Variants in MORN4 observed in about 807,000 individuals in gnomAD.
MORN4 encodes MORN repeat containing 4.
In MORN4, 8 loss-of-function variants were observed where a neutral mutation model predicts 16.4. The observed-to-expected ratio is 0.49, with a 90% CI of 0.29 to 0.88. The LOEUF (loss-of-function observed/expected upper bound fraction) is 0.88, where lower values mean the gene tolerates loss of function less well. Ranked by LOEUF, MORN4 falls within the 40% of genes least tolerant of loss-of-function variation. The pLI, the probability that MORN4 is intolerant of heterozygous loss-of-function variation, is 0.09. For synonymous variants in MORN4, 53 were observed against 68.9 expected (o/e 0.77, Z 1.14); for missense variants, 159 against 182.9 (o/e 0.87, Z 0.75).
chr10:97,627,063 T>G (rs1305484819), intron 1 of MORN4, among the ~76,000 whole-genome samples: 1 of 151,088 alleles, frequency 6.6e-6, no homozygotes, highest in East Asian at 2.0e-4. Flanking sequence ...GGCCTGATTT[T>G]TGTTTGTTTG....
At chr10:97,620,717 C>T (rs2041282975) in intron 1 of MORN4, among the ~76,000 whole-genome samples, 1 of 152,046 alleles carries the variant, frequency 6.6e-6, no homozygotes, top group Non-Finnish European at 1.5e-5. Context: ...GTGACTCACA[C>T]CTGTAATCCC....
At chr10:97,622,247 G>A (rs968140522) in intron 1 of MORN4, among the ~76,000 whole-genome samples, 17 of 152,138 alleles carry the variant, frequency 1.1e-4, no homozygotes, top group East Asian at 3.8e-4. Flanking sequence ...TAACTGATAC[G>A]TTCAGGCATG....
At chr10:97,625,357 C>A (rs549349493) in intron 1 of MORN4, among the ~76,000 whole-genome samples, 1 of 152,256 alleles carries the variant, frequency 6.6e-6, no homozygotes, top group African/African-American at 2.4e-5. Context: ...TCAGTCTCCT[C>A]ATCTGTAAAG....
chr10:97,632,718 T>A (rs558049143), intron 1 of MORN4, among the ~76,000 whole-genome samples: 22 of 150,844 alleles, frequency 1.5e-4, no homozygotes, highest in African/African-American at 2.4e-4. Context: ...TTTTTTTTTT[T>A]ATTTAAAGGC....
At chr10:97,619,782 G>C in intron 1 of MORN4, 99 bp from the exon 2 acceptor site, 1 of 899,356 alleles carries the variant, frequency 1.1e-6, no homozygotes, top group Non-Finnish European at 1.8e-6. Context: ...CACCAGCCTG[G>C]TAAGTGTACA....
intron 1 of MORN4, among the ~76,000 whole-genome samples, chr10:97,629,259 T>G (rs1296041527): frequency 6.6e-6 from 1 of 152,168 alleles, no homozygotes; most frequent in Non-Finnish European, 1.5e-5. Context: ...TGGTGGCCCA[T>G]GCCTGTAATC....
intron 1 of MORN4, among the ~76,000 whole-genome samples, chr10:97,624,366 C>G (rs1426075850): frequency 6.6e-6 from 1 of 152,128 alleles, no homozygotes; most frequent in Non-Finnish European, 1.5e-5. Context: ...ACCTTTATAA[C>G]AGAAGCTAAC....
chr10:97,616,848 C>T lies in MORN4; in HGVS notation c.183-61G>A, dbSNP rs546088954. 111 of 1,150,002 alleles carry T rather than the reference C, an allele frequency of 9.7e-5. No homozygotes were observed. In the East Asian group the frequency reaches 1.4e-3, roughly 14 times the overall value. The allele number at this position is 1,150,002 out of a possible 1,614,324, so 71.2% of individuals were successfully genotyped here. A position where few individuals can be genotyped will look rare whatever the true frequency, so the allele number is the denominator to read the frequency against. On this transcript the variant is annotated intron_variant, in intron 3 of 4. Transcript: ENST00000307450. The stretch of plus-strand genomic sequence containing the variant: ...AGTTAGCTGTCCAGATGAACGGAGT[C>T]GAGCAGCTGCTGATCTCTGTTATTT...
At chr10:97,629,340 C>T (rs191798844) in intron 1 of MORN4, among the ~76,000 whole-genome samples, 13 of 152,296 alleles carry the variant, frequency 8.5e-5, no homozygotes, top group Middle Eastern at 3.4e-3. Context: ...GAGCCAAGAT[C>T]GCGCCATTGC....
intron 1 of MORN4, among the ~76,000 whole-genome samples, chr10:97,621,545 G>A (rs995037249): frequency 2.6e-5 from 4 of 152,164 alleles, no homozygotes; most frequent in Non-Finnish European, 4.4e-5. Flanking sequence ...TTCTCCCTCC[G>A]TTCATGACCC....
At chr10:97,632,185 T>C (rs549879927) in intron 1 of MORN4, among the ~76,000 whole-genome samples, 1 of 147,214 alleles carries the variant, frequency 6.8e-6, no homozygotes, top group African/African-American at 2.5e-5. Flanking sequence ...GTTAGGAACC[T>C]AGAACAAAAA....
chr10:97,627,522 G>A (rs1314760621), intron 1 of MORN4, among the ~76,000 whole-genome samples: 1 of 152,196 alleles, frequency 6.6e-6, no homozygotes, highest in Non-Finnish European at 1.5e-5. Context: ...GACCAGAGCA[G>A]GGTTCAATGA....
chr10:97,633,535 A>G, upstream of MORN4: 1 of 1,289,832 alleles, frequency 7.8e-7, no homozygotes, highest in South Asian at 1.2e-5. This position sits in a 1 kb window ranked among gnomAD's most constrained non-coding sequence, Gnocchi z 4.5. Flanking sequence ...GCTGTTACCT[A>G]GGCAACCGGG....
At chr10:97,631,720 G>A (rs1467985014) in intron 1 of MORN4, among the ~76,000 whole-genome samples, 1 of 151,990 alleles carries the variant, frequency 6.6e-6, no homozygotes, top group Non-Finnish European at 1.5e-5. Context: ...GATCGCTTGA[G>A]CCCAGGAGTT....
In MORN4 at chr10:97,633,358, CT is replaced by C. The variant is rs1314751090; in HGVS notation, c.-43del. 6 of 1,289,736 alleles carry C rather than the reference CT, an allele frequency of 4.7e-6. No homozygotes were observed. Among genetic ancestry groups the C allele is most frequent in the Non-Finnish European group, 6.1e-6 (6 of 988,912 alleles). The allele number at this position is 1,289,736 out of a possible 1,614,324, so 79.9% of individuals were successfully genotyped here. A position where few individuals can be genotyped will look rare whatever the true frequency, so the allele number is the denominator to read the frequency against. Reference sequence around the variant, plus strand: ...CGCCTCCAGCCAACCTGGGGCCGGCCTTTCGGGATGACCGTCACGCCTGGAC... The same window carrying C: ...CGCCTCCAGCCAACCTGGGGCCGGCCTTCGGGATGACCGTCACGCCTGGAC... On this transcript the variant is annotated 5_prime_UTR_variant, in exon 1 of 5. The change abolishes the stop of an existing upstream ORF in the 5' untranslated region. Transcript: ENST00000307450. The surrounding 1 kb of genome is among the most constrained non-coding windows in gnomAD (Gnocchi z 4.5).
In MORN4 at chr10:97,619,512, G is replaced by C. The variant is rs771724980; in HGVS notation, c.67+75C>G. 6 of 1,031,466 alleles carry C rather than the reference G, an allele frequency of 5.8e-6. No individual in the cohort carries two copies. The South Asian group carries it at 6.3e-5, about 11-fold the overall frequency. The allele number at this position is 1,031,466 out of a possible 1,614,324, so 63.9% of individuals were successfully genotyped here. On this transcript the variant is annotated intron_variant, in intron 2 of 4. Transcript: ENST00000307450. The stretch of plus-strand genomic sequence containing the variant: ...TTGAAAATGAAGATCCATAAAGTTG[G>C]CTATATATCCTGATGTATTTGTCCT...
At chr10:97,626,405 ATAAT>A (rs2041347608) in intron 1 of MORN4, among the ~76,000 whole-genome samples, 1 of 125,330 alleles carries the variant, frequency 8.0e-6, no homozygotes, top group Non-Finnish European at 1.5e-5. Flanking sequence ...AATCATAATC[ATAAT>A]CATAATCATA....
At chr10:97,628,538 CTT>C (rs746160008) in intron 1 of MORN4, among the ~76,000 whole-genome samples, 14 of 144,984 alleles carry the variant, frequency 9.7e-5, no homozygotes, top group African/African-American at 7.5e-5. Flanking sequence ...TTTTTTCTTT[CTT>C]TTTTTTTTTT....
At chr10:97,616,629 C>T (rs757978140) in intron 4 of MORN4, 49 bp downstream of exon 4, 16 of 1,454,994 alleles carry the variant, frequency 1.1e-5, no homozygotes, top group Non-Finnish European at 1.5e-5. Flanking sequence ...TATATTTCCA[C>T]CCATATTATG....
Sources: allele counts gnomAD v4.1 joint callset (sites outside exome capture counted in the v4.1 genomes callset), GRCh38; gene constraint gnomAD v4.1.1; non-coding constraint Gnocchi (gnomAD v3.1); transcripts MANE v1.5; gene names NCBI Gene and HGNC (gene_info 2026-07-23, HGNC 2026-07-21).